ANO2: variants seen among roughly 807,000 people sequenced by gnomAD.
ANO2 encodes anoctamin 2.
Under a neutral mutation model 124.2 loss-of-function variants are expected in ANO2, and 101 were observed. That is an observed-to-expected ratio of 0.81 (90% CI 0.69 to 0.96). The LOEUF (loss-of-function observed/expected upper bound fraction) is 0.96, where lower values mean the gene tolerates loss of function less well. ANO2 is among the 40% of genes least tolerant of loss of function. ANO2 has a pLI of 0.00. For synonymous variants in ANO2, 486 were observed against 482.5 expected, an observed-to-expected ratio of 1.01 and a Z score of -0.09; for missense variants, 1,293 against 1,274.5, an observed-to-expected ratio of 1.01 and a Z score of -0.22.
chr12:5,708,424 C>G (rs577975799), intron 14 of ANO2, among the ~76,000 whole-genome samples: 2 of 152,346 alleles, frequency 1.3e-5, no homozygotes, highest in East Asian at 3.9e-4. Flanking sequence ...TCTGCATGAT[C>G]TAGCTCCTCT....
intron 16 of ANO2, among the ~76,000 whole-genome samples, chr12:5,631,155 A>C (rs1246299978): frequency 6.6e-6 from 1 of 152,218 alleles, no homozygotes; most frequent in Non-Finnish European, 1.5e-5. Context: ...AGTCTATTCT[A>C]ACACTGGGAA....
At chr12:5,746,521 G>C (rs932783729) in intron 11 of ANO2, among the ~76,000 whole-genome samples, 1 of 152,172 alleles carries the variant, frequency 6.6e-6, no homozygotes, top group African/African-American at 2.4e-5. Flanking sequence ...ATGGAAATCA[G>C]GTCTAGGGTA....
intron 3 of ANO2, among the ~76,000 whole-genome samples, chr12:5,861,993 T>C (rs568840134): frequency 8.5e-5 from 13 of 152,310 alleles, no homozygotes; most frequent in African/African-American, 2.9e-4. Context: ...AGGAACACCA[T>C]AGTCTACCTG....
At chr12:5,567,293 A>G (rs1941824835) in intron 23 of ANO2, among the ~76,000 whole-genome samples, 2 of 152,208 alleles carry the variant, frequency 1.3e-5, no homozygotes, top group Non-Finnish European at 1.5e-5. Context: ...GAGGACAGAA[A>G]CATGGCCAGC....
chr12:5,832,695 C>A, intron 4 of ANO2, 92 bp from the exon 5 acceptor site: 1 of 1,370,836 alleles, frequency 7.3e-7, no homozygotes, highest in African/African-American at 1.5e-5. Flanking sequence ...ACACAGATTC[C>A]CAGAGGTGAA....
At chr12:5,860,628 C>A (rs1955237834) in intron 3 of ANO2, among the ~76,000 whole-genome samples, 2 of 152,178 alleles carry the variant, frequency 1.3e-5, no homozygotes, top group African/African-American at 4.8e-5. Context: ...GAAAATAATT[C>A]AATTACCCTT....
chr12:5,587,483 C>T (rs1375534997), intron 20 of ANO2, among the ~76,000 whole-genome samples: 1 of 152,166 alleles, frequency 6.6e-6, no homozygotes, highest in Non-Finnish European at 1.5e-5. Flanking sequence ...AGAATTTCCT[C>T]TCATCAGCCC....
intron 14 of ANO2, among the ~76,000 whole-genome samples, chr12:5,687,292 C>T (rs1298781521): frequency 1.3e-5 from 2 of 152,238 alleles, no homozygotes; most frequent in African/African-American, 2.4e-5. Flanking sequence ...TTCACCACCT[C>T]GTCCTGTGCC....
chr12:5,892,076 A>T (rs1350786553), intron 3 of ANO2, among the ~76,000 whole-genome samples: 2 of 152,162 alleles, frequency 1.3e-5, no homozygotes, highest in Non-Finnish European at 2.9e-5. Context: ...AGAAAAAAAA[A>T]ATAGAAGACA....
intron 14 of ANO2, 154 bp downstream of exon 14, chr12:5,732,366 G>A (rs1950676127): frequency 3.3e-6 from 2 of 609,762 alleles, no homozygotes; most frequent in African/African-American, 1.8e-5. Flanking sequence ...ATCTCTGGCT[G>A]CAGGACAATG....
At chr12:5,786,486 A>G (rs1410956943) in intron 10 of ANO2, among the ~76,000 whole-genome samples, 1 of 152,106 alleles carries the variant, frequency 6.6e-6, no homozygotes, top group Non-Finnish European at 1.5e-5. Context: ...CCTTAGCTCT[A>G]TTGGAGGATT....
At chr12:5,887,828 GTTTTT>G (rs368427647) in intron 3 of ANO2, among the ~76,000 whole-genome samples, 1 of 148,054 alleles carries the variant, frequency 6.8e-6, no homozygotes, top group Non-Finnish European at 1.5e-5. Flanking sequence ...ATGCCCCCCG[GTTTTT>G]TTTTTCTTTT....
chr12:5,656,906 G>A (rs190543194), intron 14 of ANO2, among the ~76,000 whole-genome samples: 12 of 152,300 alleles, frequency 7.9e-5, no homozygotes, highest in African/African-American at 2.2e-4. Context: ...TGTCTTCATG[G>A]ACACTTTGTC....
intron 1 of ANO2, among the ~76,000 whole-genome samples, chr12:5,923,247 T>TACACACACACACACGC (rs1941904487): frequency 2.3e-5 from 1 of 42,856 alleles, no homozygotes; most frequent in Non-Finnish European, 4.7e-5. Context: ...CACACACGCA[T>TACACACACACACACGC]ACACACACAT....
intron 10 of ANO2, among the ~76,000 whole-genome samples, chr12:5,774,646 A>C (rs2137125003): frequency 6.6e-6 from 1 of 152,274 alleles, no homozygotes; most frequent in South Asian, 2.1e-4. Context: ...ATGTTTCCGA[A>C]GGACACCTGA....
Position 5,895,305 on chromosome 12 carries a change from G to A in ANO2, c.534+25735C>T, listed in dbSNP as rs144532052. Among the ~76,000 whole-genome samples, 339 of 152,224 alleles carry A rather than the reference G, an allele frequency of 2.2e-3. 1 individual carries two copies. Among genetic ancestry groups the A allele is most frequent in the African/African-American group, 7.3e-3 (305 of 41,518 alleles). ...GGCTCTCTGTTTGTCTATTATTGGT[G>A]TATAGAAATGCTTGTGATTTTTGCA... On this transcript the variant is annotated intron_variant, in intron 3 of 24. Coordinates refer to ENST00000682330, the MANE Select transcript of ANO2 (RefSeq NM_001364791.2).
chr12:5,866,742 T>C (rs1955437589), intron 3 of ANO2, among the ~76,000 whole-genome samples: 1 of 152,236 alleles, frequency 6.6e-6, no homozygotes. Flanking sequence ...CTGTGCTGGC[T>C]GTACTGCCCA....
intron 20 of ANO2, among the ~76,000 whole-genome samples, chr12:5,589,076 G>T (rs569890111): frequency 6.6e-6 from 1 of 152,340 alleles, no homozygotes; most frequent in Non-Finnish European, 1.5e-5. Flanking sequence ...AGAGAAATCA[G>T]AAGTAATGAT....
chr12:5,821,607 G>A lies in ANO2; in HGVS notation c.892+6162C>T, dbSNP rs112228817. ...AGTGAATCACAGCGCAGGCCTCTAG[G>A]ATATTGGAGCAAGGCCCTGCCATCT... is the stretch of plus-strand genomic sequence containing the variant. On this transcript the variant is annotated intron_variant, in intron 7 of 24. Coordinates refer to ENST00000682330, the MANE Select transcript of ANO2 (RefSeq NM_001364791.2). Among the ~76,000 whole-genome samples the A allele has an allele frequency of 5.8e-3, 886 of 152,326 alleles. 8 individuals are homozygous for A. The highest frequency in any genetic ancestry group is 0.02 in the African/African-American group (826 of 41,564).
Sources: gnomAD v4.1 joint callset for allele counts (sites outside exome capture counted in the v4.1 genomes callset) on GRCh38, gnomAD v4.1.1 for gene constraint, MANE v1.5 for transcripts, NCBI Gene and HGNC (gene_info 2026-07-23, HGNC 2026-07-21) for gene names.